Variants in ADGRL2 observed in about 807,000 individuals in gnomAD.
ADGRL2 encodes the protein adhesion G protein-coupled receptor L2, also known as calcium-independent alpha-latrotoxin receptor 2.
In ADGRL2, 44 loss-of-function variants were observed where a neutral mutation model predicts 157.4. That is an observed-to-expected ratio of 0.28 (90% CI 0.22 to 0.36). The LOEUF is 0.36. Among genes scored for constraint, ADGRL2 ranks in the 10% least tolerant of loss-of-function variants. ADGRL2 has a pLI of 1.00. For missense variants in ADGRL2, 1,510 were observed against 1,768.9 expected, an observed-to-expected ratio of 0.85 and a Z score of 2.63; for synonymous variants, 585 against 624.7, an observed-to-expected ratio of 0.94 and a Z score of 0.95.
At chr1:81,668,493 G>T (rs1015616054) in intron 3 of ADGRL2, among the ~76,000 whole-genome samples, 1 of 151,614 alleles carries the variant, frequency 6.6e-6, no homozygotes, top group Non-Finnish European at 1.5e-5. Flanking sequence ...ATGTAATAAA[G>T]TATACAAAAG....
At chr1:81,326,535 A>T (rs1474041629) in intron 1 of ADGRL2, among the ~76,000 whole-genome samples, 1 of 152,188 alleles carries the variant, frequency 6.6e-6, no homozygotes, top group African/African-American at 2.4e-5. Context: ...CCATCAATTG[A>T]TCTCTAGGAC....
chr1:81,560,119 T>A (rs748265966), intron 2 of ADGRL2, among the ~76,000 whole-genome samples: 4 of 152,050 alleles, frequency 2.6e-5, no homozygotes, highest in Non-Finnish European at 5.9e-5. Flanking sequence ...TGCCTAACAG[T>A]GATGAGAGAC....
chr1:81,584,076 C>A (rs565558362), intron 3 of ADGRL2, among the ~76,000 whole-genome samples: 1 of 152,206 alleles, frequency 6.6e-6, no homozygotes, highest in African/African-American at 2.4e-5. Flanking sequence ...ATACTTTGAC[C>A]TAAGAGTGCC....
At chr1:81,535,914 T>C (rs1372002890) in intron 2 of ADGRL2, among the ~76,000 whole-genome samples, 4 of 152,194 alleles carry the variant, frequency 2.6e-5, no homozygotes, top group Non-Finnish European at 5.9e-5. Flanking sequence ...AATGTCATCA[T>C]GGACATTCTA....
intron 1 of ADGRL2, among the ~76,000 whole-genome samples, chr1:81,342,713 T>C (rs1662163828): frequency 8.5e-5 from 13 of 152,180 alleles, no homozygotes; most frequent in Admixed American, 8.5e-4. Context: ...TTATATTTAA[T>C]ATGTTATTTT....
intron 1 of ADGRL2, among the ~76,000 whole-genome samples, chr1:81,369,889 T>G (rs2100978275): frequency 6.6e-6 from 1 of 152,342 alleles, no homozygotes; most frequent in East Asian, 1.9e-4. Flanking sequence ...CTAAGCTTTT[T>G]GGAACTGAGG....
intron 2 of ADGRL2, among the ~76,000 whole-genome samples, chr1:81,855,020 G>A (rs1444510808): frequency 6.6e-6 from 1 of 152,088 alleles, no homozygotes; most frequent in African/African-American, 2.4e-5. Flanking sequence ...AGGCTGGATG[G>A]GGTTGACTAT....
rs558553885 is a variant in ADGRL2 at position 81,833,328 on chromosome 1, T to G, written c.-100-3557T>G. The stretch of plus-strand genomic sequence containing the variant: ...TGGCTCTTTTCTTTTCCTGTTCTCT[T>G]CATGTTATAACTGTTTTGGGCTTAA... On this transcript the variant is annotated intron_variant, in intron 1 of 23. Coordinates refer to ENST00000686636, the MANE Select transcript of ADGRL2 (RefSeq NM_001366006.2). 5.9e-5 allele frequency among the ~76,000 whole-genome samples: 9 copies of G among 152,344 alleles called. No homozygotes were observed. In the East Asian group the frequency reaches 1.4e-3, roughly 23 times the overall value.
rs569476411 is a variant in ADGRL2, at chr1:81,677,678, C to T, written c.-142-84133C>T. On this transcript the variant is annotated intron_variant, in intron 3 of 24. Coordinates refer to the ADGRL2 transcript ENST00000370721. ...TTTGTACTGTCTAAATTAAGCCCCT[C>T]GTTACCTCAGGCCTCGACTAAAATA... Among the ~76,000 whole-genome samples the T allele has an allele frequency of 1.2e-4, 18 of 152,260 alleles. No individual in the cohort carries two copies. In the East Asian group the frequency reaches 1.9e-3, roughly 16 times the overall value.
At chr1:81,322,943 CCA>C in intron 1 of ADGRL2, among the ~76,000 whole-genome samples, 1 of 151,140 alleles carries the variant, frequency 6.6e-6, no homozygotes, top group Middle Eastern at 3.6e-3. Flanking sequence ...CTGCAACCTC[CCA>C]CTCTTTGGTT....
chr1:81,448,876 T>C (rs1185657766), intron 2 of ADGRL2, among the ~76,000 whole-genome samples: 1 of 152,200 alleles, frequency 6.6e-6, no homozygotes, highest in African/African-American at 2.4e-5. Flanking sequence ...GGATGGTCTA[T>C]ATTACACCCA....
rs2081374248 is a variant in ADGRL2, at chr1:81,603,489, T to C, written c.-143+22509T>C. On this transcript the variant is annotated intron_variant, in intron 3 of 24. Transcript: ENST00000370721. ...TAAATCAATCTGTATAAATCAGGTA[T>C]GTATGTCAATGCCCAGGCTGACCTA... 2.8e-5 allele frequency among the ~76,000 whole-genome samples: 4 copies of C among 144,692 alleles called. 1 individual carries two copies. In the South Asian group the frequency reaches 8.3e-4, roughly 30 times the overall value. The allele number at this position is 144,692 out of a possible 152,430, so 94.9% of individuals were successfully genotyped here.
At chr1:81,831,788 TTTTG>T (rs968372048) in intron 1 of ADGRL2, among the ~76,000 whole-genome samples, 3 of 151,996 alleles carry the variant, frequency 2.0e-5, no homozygotes, top group Non-Finnish European at 4.4e-5. Context: ...GGATGAGAAA[TTTTG>T]TTTCTTTTTT....
In ADGRL2 at chr1:81,952,079, T is replaced by G. The variant is rs778333057; in HGVS notation, c.1731T>G (p.Leu577=). 2.0e-5 allele frequency: 33 copies of G among 1,613,528 alleles called. No homozygotes were observed. In the Admixed American group the frequency reaches 5.5e-4, roughly 27 times the overall value. ...TGATGGAGCAGTTGGTGGACATCCT[T>G]GATGCACAGCTGCAGGAACTGAAAC... ...VRLMEQLVDI[L]DAQLQELKPS... The change falls in exon 9 of 24, where the codon CTT becomes CTG. Residue 577 remains leucine (L), a synonymous_variant. Transcript: ENST00000686636.
At chr1:81,350,301 CAAT>C (rs1202375489) in intron 1 of ADGRL2, among the ~76,000 whole-genome samples, 1 of 152,182 alleles carries the variant, frequency 6.6e-6, no homozygotes, top group Non-Finnish European at 1.5e-5. Flanking sequence ...AATGTTCAGA[CAAT>C]AATTCATCTG....
At chr1:81,367,155 G>A (rs903608196) in intron 1 of ADGRL2, among the ~76,000 whole-genome samples, 1 of 152,138 alleles carries the variant, frequency 6.6e-6, no homozygotes, top group African/African-American at 2.4e-5. Context: ...AGTGTCACCA[G>A]TTTCTATGTA....
intron 1 of ADGRL2, among the ~76,000 whole-genome samples, chr1:81,413,259 T>A (rs1570898890): frequency 6.6e-6 from 1 of 152,118 alleles, no homozygotes; most frequent in South Asian, 2.1e-4. Context: ...TACCGTCAAG[T>A]GTGAATCCTC....
In ADGRL2 at chr1:81,473,875, A is replaced by C. The variant is rs79724018; in HGVS notation, c.-248+28786A>C. Among the ~76,000 whole-genome samples, 187 of 152,316 alleles carry C rather than the reference A, an allele frequency of 1.2e-3. No homozygotes were observed. The East Asian group carries it at 0.021, about 17-fold the overall frequency. On this transcript the variant is annotated intron_variant, in intron 2 of 24. Transcript: ENST00000370721. ...TGAAGAGGAGACTGACACCTCATAC[A>C]ACATGGATGTCCACATGGTTGCAAA...
rs577914015 is a variant in ADGRL2 at position 81,836,816 on chromosome 1, C to T, written c.-100-69C>T. On this transcript the variant is annotated intron_variant, in intron 1 of 23. Transcript: ENST00000686636. ...TATATTCAGGAGAGAGAGAGAGGAA[C>T]GGAGAGAGAGAATTGTTTTGTTATG... The T allele has an allele frequency of 1.6e-4, 75 of 480,702 alleles. 1 individual carries two copies. The highest frequency in any genetic ancestry group is 8.9e-4 in the South Asian group (23 of 25,970). The allele number at this position is 480,702 out of a possible 1,614,324, so 29.8% of individuals were successfully genotyped here.
Sources: allele counts gnomAD v4.1 joint callset (sites outside exome capture counted in the v4.1 genomes callset), GRCh38; gene constraint gnomAD v4.1.1; transcripts MANE v1.5; gene names NCBI Gene and HGNC (gene_info 2026-07-23, HGNC 2026-07-21).